HMGB1: variants seen among roughly 807,000 people sequenced by gnomAD.
HMGB1 encodes high mobility group box 1.
For synonymous variants in HMGB1, 81 were observed against 84.0 expected (o/e 0.96, Z 0.19); for missense variants, 79 against 253.5 (o/e 0.31, Z 4.67).
At chr13:30,472,853 CTT>C (rs11434170) in intron 1 of HMGB1, among the ~76,000 whole-genome samples, 2,112 of 144,570 alleles carry the variant, frequency 0.015, 14 homozygotes, top group Middle Eastern at 0.028. Context: ...ATACTGAAAA[CTT>C]TTTTTTTTTT....
intron 1 of HMGB1, among the ~76,000 whole-genome samples, chr13:30,517,671 G>A (rs963356478): frequency 3.3e-5 from 5 of 152,222 alleles, no homozygotes; most frequent in Non-Finnish European, 7.3e-5. Context: ...TTACAGGCAT[G>A]AGCCACTGCG....
At position 30,576,610 on chromosome 13, in the gene HMGB1, CAT is replaced by C. The variant is rs1200876726; in HGVS notation, c.-15+40059_-15+40060del. Among the ~76,000 whole-genome samples, 3 of 151,808 alleles carry C rather than the reference CAT, an allele frequency of 2.0e-5. 1 individual carries two copies. The highest frequency in any genetic ancestry group is 7.3e-5 in the African/African-American group (3 of 41,302). ...CAGTCCTACATGTCTTCTCACTCTACATGTTTTCCCTAGGTGATGTGACCCAG... is the reference window on the plus strand; with the variant it reads ...CAGTCCTACATGTCTTCTCACTCTACGTTTTCCCTAGGTGATGTGACCCAG... On this transcript the variant is annotated intron_variant, in intron 1 of 4. Coordinates refer to the HMGB1 transcript ENST00000405805.
chr13:30,499,252 A>G (rs543394146), intron 1 of HMGB1, among the ~76,000 whole-genome samples: 2 of 152,076 alleles, frequency 1.3e-5, no homozygotes, highest in African/African-American at 4.8e-5. Flanking sequence ...GTGTGAGCCA[A>G]TGTGCCCAGC....
intron 1 of HMGB1, among the ~76,000 whole-genome samples, chr13:30,530,874 C>CTACAAAAAATA (rs1888478619): frequency 6.6e-6 from 1 of 152,130 alleles, no homozygotes; most frequent in African/African-American, 2.4e-5. Context: ...TAACGAAATC[C>CTACAAAAAATA]TGTCTCTACA....
chr13:30,571,328 T>G (rs1870415220), intron 1 of HMGB1, among the ~76,000 whole-genome samples: 1 of 147,936 alleles, frequency 6.8e-6, no homozygotes, highest in Non-Finnish European at 1.5e-5. Flanking sequence ...GGAGTCTCGC[T>G]CTCTCGCCCA....
Position 30,559,179 on chromosome 13 carries a change from C to A in HMGB1, c.-15+57492G>T, listed in dbSNP as rs568961410. Among the ~76,000 whole-genome samples the A allele has an allele frequency of 6.6e-6, 1 of 152,152 alleles. No individual in the cohort carries two copies. Among genetic ancestry groups the A allele is most frequent in the East Asian group, 1.9e-4 (1 of 5,180 alleles). ...GGGGGTGCGGGTGGAGGAAAAATTG[C>A]CCCTGTTGAGAAGCACTGCCTTAGA... On this transcript the variant is annotated intron_variant, in intron 1 of 4. Coordinates refer to the HMGB1 transcript ENST00000405805. The surrounding 1 kb of genome is among the most constrained non-coding windows in gnomAD (Gnocchi z 6.6).
intron 1 of HMGB1, among the ~76,000 whole-genome samples, chr13:30,524,015 A>T (rs1467076285): frequency 6.6e-6 from 1 of 152,184 alleles, no homozygotes; most frequent in Non-Finnish European, 1.5e-5. Flanking sequence ...GCCATAAAAA[A>T]GGATTAGTTC....
chr13:30,614,614 T>C lies in HMGB1; in HGVS notation c.-15+2057A>G, dbSNP rs192317405. 4.6e-5 allele frequency among the ~76,000 whole-genome samples: 7 copies of C among 152,352 alleles called. No homozygotes were observed. In the East Asian group the frequency reaches 1.3e-3, roughly 29 times the overall value. On this transcript the variant is annotated intron_variant, in intron 1 of 4. Coordinates refer to the HMGB1 transcript ENST00000405805. ...ATGTCAGATATTCCAGTATCAACTT[T>C]AGACTATTATCACACCATCTTCTCA...
At chr13:30,587,839 T>C (rs1424566320) in intron 1 of HMGB1, among the ~76,000 whole-genome samples, 1 of 152,346 alleles carries the variant, frequency 6.6e-6, no homozygotes, top group Admixed American at 6.5e-5. Flanking sequence ...CAGAGAGATA[T>C]TTCTGAGGAA....
chr13:30,462,503 G>A (rs768503924), intron 4 of HMGB1, 35 bp downstream of exon 4: 3 of 1,537,532 alleles, frequency 2.0e-6, no homozygotes, highest in Non-Finnish European at 2.7e-6. Flanking sequence ...TGGCGTACTT[G>A]TCATCATTTT....
At chr13:30,489,232 G>C (rs577351665) in intron 1 of HMGB1, among the ~76,000 whole-genome samples, 9 of 152,038 alleles carry the variant, frequency 5.9e-5, no homozygotes, top group African/African-American at 2.2e-4. Context: ...GCAGTAGTAC[G>C]TGCCTGTAGT....
chr13:30,551,447 A>G (rs917214066), intron 1 of HMGB1, among the ~76,000 whole-genome samples: 1 of 152,212 alleles, frequency 6.6e-6, no homozygotes, highest in African/African-American at 2.4e-5. Context: ...CGGTAGGCCT[A>G]TAGAACCTGT....
At position 30,613,679 on chromosome 13, in the gene HMGB1, A is replaced by C. The variant is rs1259195784; in HGVS notation, c.-15+2992T>G. ...TACATGCTCTCAGGGCTCACATGAAAAAACAGCCATTCAGGTGATGTGATT... is the reference window on the plus strand; with the variant it reads ...TACATGCTCTCAGGGCTCACATGAACAAACAGCCATTCAGGTGATGTGATT... On this transcript the variant is annotated intron_variant, in intron 1 of 4. Transcript: ENST00000405805. Among the ~76,000 whole-genome samples the C allele has an allele frequency of 3.3e-5, 5 of 152,340 alleles. No individual in the cohort carries two copies. In the East Asian group the frequency reaches 9.6e-4, roughly 29 times the overall value.
chr13:30,509,933 C>T (rs985899159), intron 1 of HMGB1, among the ~76,000 whole-genome samples: 4 of 152,186 alleles, frequency 2.6e-5, no homozygotes, highest in Non-Finnish European at 4.4e-5. Context: ...TACCTATAGG[C>T]TAATTAATAG....
intron 1 of HMGB1, among the ~76,000 whole-genome samples, chr13:30,605,746 A>AT (rs376961142): frequency 5.1e-4 from 77 of 151,826 alleles, no homozygotes; most frequent in Middle Eastern, 3.4e-3. Flanking sequence ...CCAGAGAGGG[A>AT]TTTTTTTTTC....
At chr13:30,480,070 C>T (rs1047377188) in intron 1 of HMGB1, among the ~76,000 whole-genome samples, 2 of 152,174 alleles carry the variant, frequency 1.3e-5, no homozygotes, top group Non-Finnish European at 2.9e-5. Flanking sequence ...TAATGTCCTT[C>T]CCCCTCCTCT....
intron 4 of HMGB1, among the ~76,000 whole-genome samples, chr13:30,462,171 C>T (rs1886388532): frequency 6.6e-6 from 1 of 152,078 alleles, no homozygotes; most frequent in Non-Finnish European, 1.5e-5. Context: ...ATAAATGTTT[C>T]AGGATATGAC....
chr13:30,511,948 G>A (rs999590631), intron 1 of HMGB1, among the ~76,000 whole-genome samples: 2 of 152,116 alleles, frequency 1.3e-5, no homozygotes, highest in South Asian at 2.1e-4. Context: ...TTCTTTGTGG[G>A]GGCGACTGTG....
At chr13:30,528,622 C>T (rs9506325) in intron 1 of HMGB1, among the ~76,000 whole-genome samples, 57,595 of 151,968 alleles carry the variant, frequency 0.38, 11,407 homozygotes, top group Non-Finnish European at 0.44. Flanking sequence ...AAGATAACAT[C>T]TCAAGGCATG....
Sources: allele counts gnomAD v4.1 joint callset (sites outside exome capture counted in the v4.1 genomes callset), GRCh38; gene constraint gnomAD v4.1.1; non-coding constraint Gnocchi (gnomAD v3.1); transcripts MANE v1.5; gene names NCBI Gene and HGNC (gene_info 2026-07-23, HGNC 2026-07-21).